MALRD1: variants seen among roughly 807,000 people sequenced by gnomAD.
MALRD1 encodes the protein MAM and LDL-receptor class A domain-containing protein 1.
MALRD1 carries 247 observed loss-of-function variants against 242.1 expected under a neutral mutation model. That is an observed-to-expected ratio of 1.02 (90% CI 0.92 to 1.13). MALRD1 has a LOEUF of 1.13. Ranked by LOEUF, MALRD1 falls within the 50% of genes most tolerant of loss-of-function variation. MALRD1 has a pLI of 0.00. For synonymous variants in MALRD1, 995 were observed against 866.6 expected (o/e 1.15, Z -2.60); for missense variants, 2,989 against 2,533.1 (o/e 1.18, Z -3.86).
At position 19,203,774 on chromosome 10, in the gene MALRD1, A is replaced by G; in HGVS notation, c.1998A>G (p.Ala666=). 1 of 1,550,588 alleles carries G rather than the reference A, an allele frequency of 6.4e-7. No individual in the cohort carries two copies. Among genetic ancestry groups the G allele is most frequent in the Non-Finnish European group, 8.7e-7 (1 of 1,146,888 alleles). Residue 666 remains alanine, a synonymous_variant, in exon 15 of 40, where the codon GCA becomes GCG. Transcript: ENST00000454679. ...FEANSCDWFE[A]ISGDHFDWIR... ...CAAACAGCTGTGATTGGTTTGAAGC[A>G]ATTAGTGGTGACCATTTTGACTGGA...
chr10:19,690,973 AGCCCTGAT>A (rs759478351), intron 36 of MALRD1, among the ~76,000 whole-genome samples: 10 of 152,090 alleles, frequency 6.6e-5, no homozygotes, highest in Non-Finnish European at 1.0e-4. Flanking sequence ...TGATTACTGT[AGCCCTGAT>A]GCCAGGAAAG....
intron 31 of MALRD1, among the ~76,000 whole-genome samples, chr10:19,503,189 T>G (rs1838054126): frequency 6.6e-6 from 1 of 152,194 alleles, no homozygotes; most frequent in Admixed American, 6.5e-5. Flanking sequence ...TACGGCTGAG[T>G]GAGACTATTT....
chr10:19,047,615 A>G (rs1404152629), upstream of MALRD1, among the ~76,000 whole-genome samples: 2 of 152,122 alleles, frequency 1.3e-5, no homozygotes, highest in African/African-American at 4.8e-5. Flanking sequence ...ATTTGTTTGC[A>G]AAACAGAGGG....
At chr10:19,470,983 G>A (rs546845754) in intron 29 of MALRD1, among the ~76,000 whole-genome samples, 8 of 151,676 alleles carry the variant, frequency 5.3e-5, no homozygotes, top group South Asian at 4.2e-4. Flanking sequence ...GTTGCCTTAC[G>A]TTAGGGGTTG....
At chr10:19,204,139 G>A (rs1045114096) in intron 15 of MALRD1, among the ~76,000 whole-genome samples, 169 bp from the exon 16 acceptor site, 5 of 152,094 alleles carry the variant, frequency 3.3e-5, no homozygotes, top group Admixed American at 3.3e-4. Context: ...GTAGATAGTG[G>A]TTCAATATTT....
chr10:19,222,547 A>G (rs935743818), intron 18 of MALRD1, among the ~76,000 whole-genome samples: 1 of 152,204 alleles, frequency 6.6e-6, no homozygotes, highest in African/African-American at 2.4e-5. Flanking sequence ...TATTTTGTAA[A>G]TAACTATACC....
intron 36 of MALRD1, among the ~76,000 whole-genome samples, chr10:19,666,247 C>T (rs534920089): frequency 6.6e-6 from 1 of 152,346 alleles, no homozygotes; most frequent in African/African-American, 2.4e-5. Flanking sequence ...ATGAGTTTAT[C>T]TTCCAAATGC....
chr10:19,483,461 A>C (rs11010124), intron 29 of MALRD1, among the ~76,000 whole-genome samples: 3,545 of 152,244 alleles, frequency 0.023, 159 homozygotes, highest in African/African-American at 0.081. Context: ...TAAGCAAAAA[A>C]ACCCATTAAA....
chr10:19,126,756 T>C (rs1042742107), intron 7 of MALRD1, among the ~76,000 whole-genome samples: 8 of 151,960 alleles, frequency 5.3e-5, no homozygotes, highest in South Asian at 4.1e-4. Context: ...ATTATTATGG[T>C]TATTTATTTT....
intron 28 of MALRD1, among the ~76,000 whole-genome samples, chr10:19,403,486 A>T (rs1374461164): frequency 3.3e-5 from 5 of 152,118 alleles, no homozygotes; most frequent in Non-Finnish European, 7.4e-5. Flanking sequence ...GCCCTCTTTT[A>T]TGCTAACGTG....
intron 7 of MALRD1, among the ~76,000 whole-genome samples, chr10:19,127,758 A>G (rs987756923): frequency 2.0e-5 from 3 of 152,114 alleles, no homozygotes; most frequent in East Asian, 3.9e-4. Context: ...CTTGGTAAGA[A>G]AGAAGACATT....
chr10:19,431,508 A>T (rs554679466), intron 28 of MALRD1, among the ~76,000 whole-genome samples: 21 of 152,232 alleles, frequency 1.4e-4, no homozygotes, highest in Non-Finnish European at 2.6e-4. Context: ...ACATATTTCT[A>T]TATTTTATTT....
At chr10:19,601,609 C>T (rs1290291180) in intron 34 of MALRD1, among the ~76,000 whole-genome samples, 1 of 151,806 alleles carries the variant, frequency 6.6e-6, no homozygotes, top group Non-Finnish European at 1.5e-5. Flanking sequence ...AAAAGTAAAG[C>T]TTTTTATATT....
At chr10:19,596,273 G>A (rs2131561178) in intron 34 of MALRD1, among the ~76,000 whole-genome samples, 1 of 152,078 alleles carries the variant, frequency 6.6e-6, no homozygotes, top group East Asian at 1.9e-4. Flanking sequence ...TTTATTATTT[G>A]TTTGCTTCCT....
At chr10:19,278,246 T>C (rs1012554688) in intron 19 of MALRD1, among the ~76,000 whole-genome samples, 2 of 152,230 alleles carry the variant, frequency 1.3e-5, no homozygotes, top group Non-Finnish European at 2.9e-5. Flanking sequence ...TTTTTTCTCA[T>C]TGCCCATAAA....
chr10:19,682,296 TG>T (rs1015560158), intron 36 of MALRD1, among the ~76,000 whole-genome samples: 1 of 152,168 alleles, frequency 6.6e-6, no homozygotes, highest in African/African-American at 2.4e-5. Flanking sequence ...GAGGAGTTTT[TG>T]TTCCAGGTGT....
intron 36 of MALRD1, among the ~76,000 whole-genome samples, chr10:19,661,613 C>T (rs944981187): frequency 6.6e-6 from 1 of 151,908 alleles, no homozygotes; most frequent in Non-Finnish European, 1.5e-5. Flanking sequence ...GGAAGGGAAG[C>T]ATCACACACT....
intron 28 of MALRD1, among the ~76,000 whole-genome samples, chr10:19,432,641 A>C (rs1047148514): frequency 2.6e-5 from 4 of 152,202 alleles, no homozygotes; most frequent in Non-Finnish European, 5.9e-5. Flanking sequence ...ACAGACAATG[A>C]ACAAATATGA....
chr10:19,245,157 A>G (rs1838982721), intron 18 of MALRD1, among the ~76,000 whole-genome samples: 1 of 152,204 alleles, frequency 6.6e-6, no homozygotes, highest in Non-Finnish European at 1.5e-5. Context: ...TCATTGAAGA[A>G]GTCCTAGATT....
Sources: allele counts gnomAD v4.1 joint callset (sites outside exome capture counted in the v4.1 genomes callset), GRCh38; gene constraint gnomAD v4.1.1; transcripts MANE v1.5; gene names NCBI Gene and HGNC (gene_info 2026-07-23, HGNC 2026-07-21).